The following CPB1 variants were observed in gnomAD, a reference collection of about 807,000 sequenced individuals.
CPB1 encodes carboxypeptidase B1.
A neutral mutation model predicts 51.4 loss-of-function variants in CPB1; 53 were observed. That is an observed-to-expected ratio of 1.03 (90% CI 0.83 to 1.30). The LOEUF (loss-of-function observed/expected upper bound fraction) is 1.30. Ranked by LOEUF, CPB1 falls within the 50% of genes most tolerant of loss-of-function variation. CPB1 has a pLI of 0.00. For synonymous variants in CPB1, 189 were observed against 186.9 expected (o/e 1.01, Z -0.09); for missense variants, 494 against 516.2 (o/e 0.96, Z 0.42).
chr3:148,850,544 C>T (rs1370396184), intron 9 of CPB1, among the ~76,000 whole-genome samples: 3 of 152,122 alleles, frequency 2.0e-5, no homozygotes, highest in Non-Finnish European at 4.4e-5. Flanking sequence ...CCTTGTGATC[C>T]GCCTGCCTCA....
intron 10 of CPB1, 152 bp from the exon 11 acceptor site, chr3:148,859,663 C>A (rs1170939831): frequency 1.6e-5 from 10 of 644,616 alleles, no homozygotes; most frequent in Non-Finnish European, 5.2e-6. Context: ...TAAAACAGCC[C>A]CCATAACATT....
In CPB1 at chr3:148,859,948, G is replaced by C; in HGVS notation, c.1200G>C (p.Glu400Asp). Residue 400 changes from glutamate to aspartate, a missense_variant, in exon 11 of 11, where the codon GAG (glutamate) becomes GAC (aspartate). By Grantham distance (45) the Glu-to-Asp change is conservative. Transcript: ENST00000282957. The part of the protein sequence containing the change: ...PESQIRATCE[E>D]TFLAIKYVAS... The stretch of plus-strand genomic sequence containing the variant: ...CCCAGATCCGGGCTACCTGCGAGGA[G>C]ACCTTCCTGGCAATCAAGTATGTTG... 6.2e-7 allele frequency: 1 copy of C among 1,614,144 alleles called. No individual in the cohort carries two copies. The highest frequency in any genetic ancestry group is 8.5e-7 in the Non-Finnish European group (1 of 1,179,998).
At chr3:148,835,544 C>T (rs1012143333) in intron 3 of CPB1, among the ~76,000 whole-genome samples, 1 of 152,086 alleles carries the variant, frequency 6.6e-6, no homozygotes, top group African/African-American at 2.4e-5. Flanking sequence ...AGAGAACAGA[C>T]CATATGCTGA....
intron 10 of CPB1, among the ~76,000 whole-genome samples, chr3:148,859,441 G>A (rs115793418): frequency 0.018 from 2,776 of 152,234 alleles, 43 homozygotes; most frequent in Non-Finnish European, 0.03. Flanking sequence ...AGTTTCAGCC[G>A]GGTTTAGAGT....
At chr3:148,841,518 C>T (rs890978655) in intron 5 of CPB1, among the ~76,000 whole-genome samples, 2 of 152,168 alleles carry the variant, frequency 1.3e-5, no homozygotes, top group Non-Finnish European at 2.9e-5. Flanking sequence ...CACCTAATAA[C>T]AGCAGCTGAA....
At chr3:148,846,445 CAA>C (rs569169085) in intron 9 of CPB1, among the ~76,000 whole-genome samples, 1 of 141,614 alleles carries the variant, frequency 7.1e-6, no homozygotes, top group Admixed American at 7.0e-5. Flanking sequence ...TGAGTTATGC[CAA>C]AAAAAAAAAT....
intron 3 of CPB1, among the ~76,000 whole-genome samples, chr3:148,839,352 G>A (rs1459893075): frequency 3.3e-5 from 5 of 152,148 alleles, no homozygotes; most frequent in African/African-American, 2.4e-5. Flanking sequence ...GTGTTGGAAT[G>A]CTAACCTACA....
intron 9 of CPB1, among the ~76,000 whole-genome samples, chr3:148,850,281 GT>G (rs35725267): frequency 3.3e-5 from 5 of 151,492 alleles, no homozygotes; most frequent in South Asian, 2.1e-4. Context: ...CTTAATTGAA[GT>G]TTTTTTTGTT....
intron 9 of CPB1, chr3:148,856,158 A>G (rs1258103659): frequency 6.6e-6 from 1 of 152,266 alleles, no homozygotes; most frequent in Non-Finnish European, 1.5e-5. Context: ...GTTTAGAAAT[A>G]GGAAAATGGA....
intron 3 of CPB1, among the ~76,000 whole-genome samples, chr3:148,840,313 A>AAGAC (rs1713036420): frequency 1.3e-5 from 2 of 151,702 alleles, no homozygotes; most frequent in Non-Finnish European, 2.9e-5. Flanking sequence ...AGAAAGACCA[A>AAGAC]AGATAGGTTT....
chr3:148,857,397 G>C, intron 9 of CPB1, 60 bp from the exon 10 acceptor site: 2 of 1,257,854 alleles, frequency 1.6e-6, no homozygotes, highest in Non-Finnish European at 2.3e-6. Context: ...TAATGTACAG[G>C]GCATTTGTTT....
chr3:148,829,533 C>G (rs1377553451), intron 2 of CPB1, among the ~76,000 whole-genome samples: 1 of 152,136 alleles, frequency 6.6e-6, no homozygotes, highest in Non-Finnish European at 1.5e-5. Context: ...ACCTAATTGA[C>G]TTTTTTCACC....
intron 5 of CPB1, among the ~76,000 whole-genome samples, chr3:148,841,422 A>G (rs2108015089): frequency 1.3e-5 from 2 of 152,330 alleles, no homozygotes; most frequent in Non-Finnish European, 2.9e-5. Context: ...AAGACAGGGA[A>G]TAAGTGAGAG....
At chr3:148,840,819 T>C in intron 4 of CPB1, 34 bp downstream of exon 4, 2 of 1,613,626 alleles carry the variant, frequency 1.2e-6, no homozygotes, top group Non-Finnish European at 1.7e-6. Context: ...CAGATATTAC[T>C]TTGGGAATTG....
chr3:148,844,818 GA>G, intron 8 of CPB1, 51 bp downstream of exon 8: 1 of 1,444,740 alleles, frequency 6.9e-7, no homozygotes, highest in Non-Finnish European at 9.5e-7. Context: ...AACATAAGAG[GA>G]AAAATATGAA....
chr3:148,833,292 C>T (rs1250747444), intron 2 of CPB1, among the ~76,000 whole-genome samples: 3 of 152,178 alleles, frequency 2.0e-5, no homozygotes, highest in Non-Finnish European at 4.4e-5. Flanking sequence ...GTATCCCTGC[C>T]TCCCATTGCC....
chr3:148,856,774 G>GA (rs1265769972), intron 9 of CPB1: 2 of 152,060 alleles, frequency 1.3e-5, no homozygotes, highest in Non-Finnish European at 2.9e-5. Context: ...ATGCTTCTAA[G>GA]AAAAAAGATT....
intron 9 of CPB1, among the ~76,000 whole-genome samples, chr3:148,852,333 T>C (rs1481149374): frequency 6.6e-6 from 1 of 152,144 alleles, no homozygotes; most frequent in Non-Finnish European, 1.5e-5. Flanking sequence ...GGAGACATCT[T>C]TGGTTGTCAT....
At chr3:148,837,638 G>A (rs186362515) in intron 3 of CPB1, among the ~76,000 whole-genome samples, 1 of 151,962 alleles carries the variant, frequency 6.6e-6, no homozygotes, top group East Asian at 1.9e-4. Flanking sequence ...TTGTAATATA[G>A]CTAAAGTAGT....
Sources: gnomAD v4.1 joint callset for allele counts (sites outside exome capture counted in the v4.1 genomes callset) on GRCh38, gnomAD v4.1.1 for gene constraint, MANE v1.5 for transcripts, NCBI Gene and HGNC (gene_info 2026-07-23, HGNC 2026-07-21) for gene names.